Variants in GMNC observed in about 807,000 individuals in gnomAD.
GMNC encodes the protein geminin coiled-coil domain containing.
In GMNC, 16 loss-of-function variants were observed where a neutral mutation model predicts 33.6. The ratio of observed to expected loss-of-function variants is 0.48; its 90% CI spans 0.32 to 0.72. The LOEUF (loss-of-function observed/expected upper bound fraction) is 0.72. Ranked by LOEUF, GMNC falls within the 30% of genes least tolerant of loss-of-function variation. GMNC has a pLI of 0.03. For missense variants in GMNC, 393 were observed against 388.9 expected (o/e 1.01, Z -0.09); for synonymous variants, 156 against 147.3 (o/e 1.06, Z -0.43).
Position 190,862,603 on chromosome 3 carries a change from C to T in GMNC, c.3+10G>A. On this transcript the variant is annotated intron_variant, in intron 1 of 4. Coordinates refer to ENST00000442080, the MANE Select transcript of GMNC (RefSeq NM_001146686.3). The surrounding 1 kb of genome is among the most constrained non-coding windows in gnomAD (Gnocchi z 4.5). Reference sequence around the variant, plus strand: ...GCCAGCGGACTAGCTAACGCCAGTTCCTCACTTACCATCTTGCAGTGGAAG... The same window carrying T: ...GCCAGCGGACTAGCTAACGCCAGTTTCTCACTTACCATCTTGCAGTGGAAG... 1.3e-6 allele frequency: 2 copies of T among 1,550,782 alleles called. No homozygotes were observed. Among genetic ancestry groups the T allele is most frequent in the Middle Eastern group, 1.7e-4 (1 of 5,996 alleles).
At position 190,862,095 on chromosome 3, in the gene GMNC, TATC is replaced by T. The variant is rs1355078987; in HGVS notation, c.3+515_3+517del. Among the ~76,000 whole-genome samples the T allele has an allele frequency of 1.3e-5, 2 of 152,202 alleles. No homozygotes were observed. Among genetic ancestry groups the T allele is most frequent in the Admixed American group, 6.5e-5 (1 of 15,282 alleles). ...GACCAAAGAAATTCAGCCAAAAGTT[TATC>T]AAGTGCAATTTTCTTTTATTTTAAA... On this transcript the variant is annotated intron_variant, in intron 1 of 4. Coordinates refer to ENST00000442080, the MANE Select transcript of GMNC (RefSeq NM_001146686.3). This position sits in a 1 kb window ranked among gnomAD's most constrained non-coding sequence, Gnocchi z 4.5.
chr3:190,856,112 T>C (rs980047315), intron 4 of GMNC, among the ~76,000 whole-genome samples, 197 bp from the exon 5 acceptor site: 12 of 151,556 alleles, frequency 7.9e-5, no homozygotes, highest in Non-Finnish European at 1.2e-4. Context: ...GTTTTAAATG[T>C]TGAAAGGACC....
chr3:190,845,508 CT>C, the GMNC span, among the ~76,000 whole-genome samples: 1,508 of 125,748 alleles, frequency 0.012, 7 homozygotes, highest in Middle Eastern at 0.026. Context: ...ATTTTGAAAC[CT>C]TTTTTTTTTT....
chr3:190,861,843 T>A lies in GMNC; in HGVS notation c.3+770A>T, dbSNP rs990494039. 6.6e-6 allele frequency among the ~76,000 whole-genome samples: 1 copy of A among 152,182 alleles called. No homozygotes were observed. Among genetic ancestry groups the A allele is most frequent in the Non-Finnish European group, 1.5e-5 (1 of 68,030 alleles). ...ACACCAAATTTAAATTATTTGTCAA[T>A]GTTTAATCAGGTAAAAGCCATTCAT... On this transcript the variant is annotated intron_variant, in intron 1 of 4. Coordinates refer to ENST00000442080, the MANE Select transcript of GMNC (RefSeq NM_001146686.3). This position sits in a 1 kb window ranked among gnomAD's most constrained non-coding sequence, Gnocchi z 5.1.
Position 190,861,843 on chromosome 3 carries a change from TG to T in GMNC, c.3+769del, listed in dbSNP as rs1436811762. On this transcript the variant is annotated intron_variant, in intron 1 of 4. Coordinates refer to ENST00000442080, the MANE Select transcript of GMNC (RefSeq NM_001146686.3). This position sits in a 1 kb window ranked among gnomAD's most constrained non-coding sequence, Gnocchi z 5.1. ...ACACCAAATTTAAATTATTTGTCAA[TG>T]TTTAATCAGGTAAAAGCCATTCATT... Among the ~76,000 whole-genome samples the T allele has an allele frequency of 2.0e-4, 31 of 152,300 alleles. No homozygotes were observed. Among genetic ancestry groups the T allele is most frequent in the African/African-American group, 7.0e-4 (29 of 41,556 alleles).
At chr3:190,844,437 T>C in the GMNC span, among the ~76,000 whole-genome samples, 1 of 151,430 alleles carries the variant, frequency 6.6e-6, no homozygotes, top group Non-Finnish European at 1.5e-5. Context: ...TTTTAAATAA[T>C]TTAATACATA....
chr3:190,852,072 A>C (rs552492999), downstream of GMNC, among the ~76,000 whole-genome samples: 1 of 152,206 alleles, frequency 6.6e-6, no homozygotes, highest in South Asian at 2.1e-4. Context: ...GATTTAGTGA[A>C]ATATAAAGAA....
intron 1 of GMNC, 47 bp from the exon 2 acceptor site, chr3:190,860,905 T>G: frequency 7.3e-7 from 1 of 1,375,292 alleles, no homozygotes; most frequent in East Asian, 2.6e-5. Flanking sequence ...AAAGATGGGG[T>G]GATGGAGATT....
At chr3:190,856,280 A>C (rs1407599838) in intron 4 of GMNC, among the ~76,000 whole-genome samples, 5 of 142,772 alleles carry the variant, frequency 3.5e-5, no homozygotes, top group Non-Finnish European at 7.6e-5. Flanking sequence ...ACTTATATTT[A>C]TTTATAAATA....
intron 3 of GMNC, among the ~76,000 whole-genome samples, chr3:190,858,587 A>G (rs1382861865): frequency 6.6e-6 from 1 of 152,246 alleles, no homozygotes; most frequent in Non-Finnish European, 1.5e-5. Context: ...GTTTAAAAAT[A>G]CTGTCACACT....
At position 190,854,265 on chromosome 3, in the gene GMNC, T is replaced by A. The variant is rs1737686252; in HGVS notation, c.*1030A>T. ...CAAAAGGGAAGTCGTTTTCGCAAAG[T>A]CATAGCAGATGAGTAGGTCTAAGTC... On this transcript the variant is annotated 3_prime_UTR_variant, in exon 5 of 5. Coordinates refer to ENST00000442080, the MANE Select transcript of GMNC (RefSeq NM_001146686.3). 6.6e-6 allele frequency: 1 copy of A among 152,132 alleles called. No individual in the cohort carries two copies. The highest frequency in any genetic ancestry group is 2.4e-5 in the African/African-American group (1 of 41,434). The allele number at this position is 152,132 out of a possible 1,614,324, so 9.4% of individuals were successfully genotyped here.
rs941571393 is a variant in GMNC at position 190,860,970 on chromosome 3, GA to G, written c.4-113del. On this transcript the variant is annotated intron_variant, in intron 1 of 4. Transcript: ENST00000442080. ...GAAATTACATGCAGTGAAATATAAA[GA>G]AAAAAAATCAGAAAAGGTGTTAAGT... The G allele has an allele frequency of 1.8e-4, 132 of 721,152 alleles. 1 individual carries two copies. The highest frequency in any genetic ancestry group is 1.5e-3 in the African/African-American group (84 of 55,880). The allele number at this position is 721,152 out of a possible 1,614,324, so 44.7% of individuals were successfully genotyped here.
rs1177626214 is a variant in GMNC at position 190,854,415 on chromosome 3, T to TGAATAC, written c.*874_*879dup. On this transcript the variant is annotated 3_prime_UTR_variant, in exon 5 of 5. Coordinates refer to ENST00000442080, the MANE Select transcript of GMNC (RefSeq NM_001146686.3). ...TTGGGTGGACTGATCAATGAAAAAA[T>TGAATAC]GAATACGCGAATGAATGAATGAATG... The TGAATAC allele has an allele frequency of 1.3e-5, 2 of 151,940 alleles. No homozygotes were observed. The highest frequency in any genetic ancestry group is 2.9e-5 in the Non-Finnish European group (2 of 67,972). 9.4% of individuals were successfully genotyped at this position (151,940 alleles called of 1,614,324 possible).
the GMNC span, among the ~76,000 whole-genome samples, chr3:190,846,051 A>T: frequency 6.6e-6 from 1 of 152,156 alleles, no homozygotes; most frequent in African/African-American, 2.4e-5. Flanking sequence ...AACACGGAGA[A>T]AACCAGCCCT....
At chr3:190,847,104 C>A in the GMNC span, among the ~76,000 whole-genome samples, 1 of 152,214 alleles carries the variant, frequency 6.6e-6, no homozygotes, top group Non-Finnish European at 1.5e-5. Flanking sequence ...CTCAAAGTTG[C>A]TGCTTCCCTG....
chr3:190,860,638 G>C, intron 2 of GMNC, 46 bp downstream of exon 2: 1 of 1,495,114 alleles, frequency 6.7e-7, no homozygotes, highest in East Asian at 2.5e-5. Context: ...CACGGGTATG[G>C]AAAAGAGCTC....
chr3:190,860,810 A>T lies in GMNC; in HGVS notation c.52T>A (p.Tyr18Asn). 6.4e-7 allele frequency: 1 copy of T among 1,551,474 alleles called. No individual in the cohort carries two copies. Among genetic ancestry groups the T allele is most frequent in the Non-Finnish European group, 8.7e-7 (1 of 1,146,896 alleles). Reference protein sequence around the residue: ...QDQYFVGGQSYNCPYSTTTSE... With the variant: ...QDQYFVGGQSNNCPYSTTTSE... Reference sequence around the variant, plus strand: ...GTTGTAGTGGAATACGGGCAATTATAGCTCTGGCCTCCTACAAAGTACTGG... The same window carrying T: ...GTTGTAGTGGAATACGGGCAATTATTGCTCTGGCCTCCTACAAAGTACTGG... Residue 18 changes from tyrosine (Y) to asparagine (N), a missense_variant, in exon 2 of 5, where the codon TAT becomes AAT. By Grantham distance (143) the Tyr-to-Asn change is moderately radical. Coordinates refer to ENST00000442080, the MANE Select transcript of GMNC (RefSeq NM_001146686.3).
downstream of GMNC, among the ~76,000 whole-genome samples, chr3:190,851,650 A>T (rs573208711): frequency 1.3e-5 from 2 of 152,184 alleles, no homozygotes; most frequent in Non-Finnish European, 2.9e-5. Flanking sequence ...AAATACCTCC[A>T]TTATTAATCA....
downstream of GMNC, among the ~76,000 whole-genome samples, chr3:190,849,943 G>T (rs185425526): frequency 5.3e-5 from 8 of 152,200 alleles, no homozygotes; most frequent in African/African-American, 1.9e-4. Context: ...ACTTTCATAA[G>T]GATCATTTAT....
Sources: gnomAD v4.1 joint callset for allele counts (sites outside exome capture counted in the v4.1 genomes callset) on GRCh38, gnomAD v4.1.1 for gene constraint, Gnocchi (gnomAD v3.1) non-coding constraint, MANE v1.5 for transcripts, NCBI Gene and HGNC (gene_info 2026-07-23, HGNC 2026-07-21) for gene names.